The following DPP6 variants were observed in gnomAD, a reference collection of about 807,000 sequenced individuals.
DPP6 encodes dipeptidyl peptidase like 6, also known as A-type potassium channel modulatory protein DPP6.
Under a neutral mutation model 122.6 loss-of-function variants are expected in DPP6, and 69 were observed. The observed-to-expected ratio is 0.56, with a 90% CI of 0.46 to 0.69. DPP6 has a LOEUF of 0.69. Ranked by LOEUF, DPP6 falls within the 30% of genes least tolerant of loss-of-function variation. DPP6 has a pLI of 0.00. For missense variants in DPP6, 928 were observed against 1,116.9 expected, an observed-to-expected ratio of 0.83 and a Z score of 2.41; for synonymous variants, 418 against 433.1, an observed-to-expected ratio of 0.97 and a Z score of 0.43.
At chr7:154,281,967 C>T (rs1245533970) in intron 1 of DPP6, among the ~76,000 whole-genome samples, 1 of 152,066 alleles carries the variant, frequency 6.6e-6, no homozygotes, top group African/African-American at 2.4e-5. Context: ...GGGTTTGGAG[C>T]CAAAAATTGA....
chr7:154,482,942 AAG>A lies in DPP6; in HGVS notation c.457+7908_457+7909del, dbSNP rs1394763567. On this transcript the variant is annotated intron_variant, in intron 3 of 25. Transcript: ENST00000377770. ...GGGAGTCAGTTTCTGTGACTGGATG[AAG>A]AGTTTGGAGTGGAAGTCTATGAGCA... 7.6e-4 allele frequency among the ~76,000 whole-genome samples: 115 copies of A among 152,248 alleles called. 1 individual carries two copies. The highest frequency in any genetic ancestry group is 2.4e-4 in the Non-Finnish European group (16 of 68,004).
intron 8 of DPP6, among the ~76,000 whole-genome samples, chr7:154,740,457 G>A (rs1842767470): frequency 2.0e-5 from 3 of 152,178 alleles, no homozygotes. Flanking sequence ...CTCAGAAGCT[G>A]GAACTAGACT....
intron 1 of DPP6, among the ~76,000 whole-genome samples, chr7:154,272,696 T>C (rs1489536298): frequency 2.0e-5 from 3 of 152,144 alleles, no homozygotes; most frequent in Admixed American, 1.3e-4. Flanking sequence ...TTAAAGTCCT[T>C]AGACCACGGG....
At chr7:154,110,780 C>A (rs1192733865) in intron 1 of DPP6, among the ~76,000 whole-genome samples, 2 of 151,514 alleles carry the variant, frequency 1.3e-5, no homozygotes, top group Non-Finnish European at 2.9e-5. Context: ...GACCATGGCC[C>A]AGGACAAGAT....
intron 1 of DPP6, among the ~76,000 whole-genome samples, chr7:154,334,634 C>T (rs541807606): frequency 9.2e-5 from 14 of 152,312 alleles, no homozygotes; most frequent in Admixed American, 5.9e-4. Flanking sequence ...CAGTGGCTCA[C>T]GCCTGTAATC....
At chr7:154,803,434 T>A (rs1189430141) in intron 13 of DPP6, among the ~76,000 whole-genome samples, 1 of 152,242 alleles carries the variant, frequency 6.6e-6, no homozygotes, top group Non-Finnish European at 1.5e-5. Context: ...CCTCCGTTTA[T>A]TCTTCTCTCT....
chr7:154,353,261 T>C (rs1811016895), intron 1 of DPP6, among the ~76,000 whole-genome samples: 1 of 152,212 alleles, frequency 6.6e-6, no homozygotes, highest in African/African-American at 2.4e-5. Flanking sequence ...TTCTTTTCTC[T>C]TCCTCCGTGA....
intron 1 of DPP6, among the ~76,000 whole-genome samples, chr7:154,037,075 A>G (rs1355433269): frequency 6.6e-6 from 1 of 152,206 alleles, no homozygotes; most frequent in Non-Finnish European, 1.5e-5. Flanking sequence ...TTTGTGGCCC[A>G]TGAGTCTCTG....
intron 1 of DPP6, among the ~76,000 whole-genome samples, chr7:154,067,740 A>G (rs113441460): frequency 0.029 from 4,350 of 152,042 alleles, 193 homozygotes; most frequent in African/African-American, 0.1. Context: ...GCAGTGTAAG[A>G]GTTTTTGTTT....
At chr7:153,802,766 C>T in the DPP6 span, among the ~76,000 whole-genome samples, 1 of 152,122 alleles carries the variant, frequency 6.6e-6, no homozygotes, top group Admixed American at 6.5e-5. Context: ...AAAGAAGCCC[C>T]CTATTTTTTA....
intron 5 of DPP6, among the ~76,000 whole-genome samples, chr7:154,636,282 G>A (rs1424444766): frequency 1.3e-5 from 2 of 152,168 alleles, no homozygotes; most frequent in Admixed American, 1.3e-4. Flanking sequence ...AGCCGTTCCA[G>A]CTCACACAGG....
At chr7:154,117,120 A>G (rs911640836) in intron 1 of DPP6, among the ~76,000 whole-genome samples, 50 of 151,970 alleles carry the variant, frequency 3.3e-4, no homozygotes, top group African/African-American at 1.1e-3. Flanking sequence ...TAGTGCACAT[A>G]TTTCCCAAGC....
At chr7:154,090,140 G>T (rs369711546) in intron 1 of DPP6, among the ~76,000 whole-genome samples, 2 of 152,114 alleles carry the variant, frequency 1.3e-5, no homozygotes, top group East Asian at 1.9e-4. Context: ...AGCGGGTGCT[G>T]TGTGGATCTC....
At chr7:153,759,540 C>A in the DPP6 span, among the ~76,000 whole-genome samples, 53 of 152,072 alleles carry the variant, frequency 3.5e-4, no homozygotes, top group East Asian at 9.9e-3. Context: ...ACCATGTTGG[C>A]AAGGCTGGTC....
chr7:154,867,510 C>T (rs189531321), intron 17 of DPP6, among the ~76,000 whole-genome samples: 199 of 152,334 alleles, frequency 1.3e-3, no homozygotes, highest in Non-Finnish European at 2.3e-3. Flanking sequence ...ACCAGCTTAT[C>T]TTCTGTTTTG....
chr7:153,842,619 A>G, the DPP6 span, among the ~76,000 whole-genome samples: 10 of 152,292 alleles, frequency 6.6e-5, no homozygotes, highest in Admixed American at 4.6e-4. Context: ...TAAATCTTCA[A>G]ACCATCTGGG....
chr7:154,297,701 C>T (rs1444620434), intron 1 of DPP6, among the ~76,000 whole-genome samples: 1 of 152,188 alleles, frequency 6.6e-6, no homozygotes, highest in African/African-American at 2.4e-5. Flanking sequence ...TGGAGACAAG[C>T]AGTCCAGGGA....
intron 2 of DPP6, among the ~76,000 whole-genome samples, chr7:154,474,032 T>C (rs1323964780): frequency 2.0e-5 from 3 of 152,172 alleles, no homozygotes; most frequent in Non-Finnish European, 4.4e-5. Flanking sequence ...GTCCATCAGA[T>C]GTGGTCAAGT....
At chr7:154,599,881 C>T (rs1032095673) in intron 5 of DPP6, among the ~76,000 whole-genome samples, 4 of 152,060 alleles carry the variant, frequency 2.6e-5, no homozygotes, top group South Asian at 2.1e-4. Context: ...ACACATGCAC[C>T]GAGTAAAATG....
Sources: allele counts gnomAD v4.1 joint callset (sites outside exome capture counted in the v4.1 genomes callset), GRCh38; gene constraint gnomAD v4.1.1; transcripts MANE v1.5; gene names NCBI Gene and HGNC (gene_info 2026-07-23, HGNC 2026-07-21).